The following PKIG variants were observed in gnomAD, a reference collection of about 807,000 sequenced individuals.
PKIG encodes protein kinase (cAMP-dependent, catalytic) inhibitor gamma.
Under a neutral mutation model 6.8 loss-of-function variants are expected in PKIG, and 1 was observed. That is an observed-to-expected ratio of 0.15 (90% CI 0.05 to 0.69). The LOEUF (loss-of-function observed/expected upper bound fraction) is 0.69. Among genes scored for constraint, PKIG ranks in the 30% least tolerant of loss-of-function variants. PKIG has a pLI of 0.82. For synonymous variants in PKIG, 39 were observed against 43.0 expected (o/e 0.91, Z 0.36); for missense variants, 77 against 104.0 (o/e 0.74, Z 1.13).
chr20:44,618,451 T>C lies in PKIG; in HGVS notation c.*87T>C. The C allele has an allele frequency of 1.1e-6, 1 of 905,714 alleles. No homozygotes were observed. Among genetic ancestry groups the C allele is most frequent in the Admixed American group, 1.7e-5 (1 of 57,962 alleles). The allele number at this position is 905,714 out of a possible 1,614,324, so 56.1% of individuals were successfully genotyped here. A position where few individuals can be genotyped will look rare whatever the true frequency, so the allele number is the denominator to read the frequency against. On this transcript the variant is annotated 3_prime_UTR_variant, in exon 4 of 4. Transcript: ENST00000372886. ...CTGGCACTGGCCCAGCAGCCTCTTC[T>C]CTGAGCTCCATGTCCCAGATAAACC...
chr20:44,615,383 G>A (rs893215155), intron 3 of PKIG, among the ~76,000 whole-genome samples: 1 of 152,226 alleles, frequency 6.6e-6, no homozygotes, highest in African/African-American at 2.4e-5. Flanking sequence ...AGGTCTCAGG[G>A]GTCTAAATGT....
At chr20:44,595,545 G>A (rs1005441400) in intron 2 of PKIG, among the ~76,000 whole-genome samples, 1 of 151,944 alleles carries the variant, frequency 6.6e-6, no homozygotes, top group Non-Finnish European at 1.5e-5. Flanking sequence ...ATGGAGTTTC[G>A]CTGTGTTGCC....
chr20:44,593,172 A>T (rs2065047210), intron 2 of PKIG, among the ~76,000 whole-genome samples: 1 of 149,126 alleles, frequency 6.7e-6, no homozygotes, highest in Non-Finnish European at 1.5e-5. Context: ...AAAAAAAAAA[A>T]TCCAAAAAGT....
chr20:44,555,265 C>A (rs1169106477), intron 1 of PKIG, among the ~76,000 whole-genome samples: 1 of 152,156 alleles, frequency 6.6e-6, no homozygotes, highest in Non-Finnish European at 1.5e-5. Flanking sequence ...TGTGTGTATT[C>A]TCTACCTTTG....
chr20:44,537,786 A>G (rs947487588), intron 1 of PKIG, among the ~76,000 whole-genome samples: 13 of 147,812 alleles, frequency 8.8e-5, no homozygotes, highest in African/African-American at 3.0e-4. Context: ...GGGTTTCACC[A>G]TATTGGCCAG....
In PKIG at chr20:44,589,816, C is replaced by T. The variant is rs2065020177; in HGVS notation, c.-74C>T. The T allele has an allele frequency of 6.6e-6, 1 of 152,222 alleles. No homozygotes were observed. The highest frequency in any genetic ancestry group is 2.4e-5 in the African/African-American group (1 of 41,400). 9.4% of individuals were successfully genotyped at this position (152,222 alleles called of 1,614,324 possible). A position where few individuals can be genotyped will look rare whatever the true frequency, so the allele number is the denominator to read the frequency against. On this transcript the variant is annotated 5_prime_UTR_variant, in exon 2 of 4. Coordinates refer to ENST00000372886, the MANE Select transcript of PKIG (RefSeq NM_001281445.2). ...CCTTAGAATTCCCGTACTGATTAGTCAACAGTGGAAAATCTGAAGAGATGC... is the reference window on the plus strand; with the variant it reads ...CCTTAGAATTCCCGTACTGATTAGTTAACAGTGGAAAATCTGAAGAGATGC...
At chr20:44,547,410 C>T (rs2064625028) in intron 1 of PKIG, among the ~76,000 whole-genome samples, 1 of 152,118 alleles carries the variant, frequency 6.6e-6, no homozygotes, top group Non-Finnish European at 1.5e-5. Flanking sequence ...ATGATGACAT[C>T]AGGATGCTGA....
chr20:44,534,296 C>T lies in PKIG; in HGVS notation c.-241+2318C>T, dbSNP rs993193083. Among the ~76,000 whole-genome samples the T allele has an allele frequency of 7.2e-5, 11 of 152,064 alleles. No individual in the cohort carries two copies. The East Asian group carries it at 2.1e-3, about 29-fold the overall frequency. On this transcript the variant is annotated intron_variant, in intron 1 of 4. Coordinates refer to the PKIG transcript ENST00000372887. ...CAGATCCTTCAATAGGAGTCTGATG[C>T]CTGTTACTTTTTGGAGACGTGGGAA...
chr20:44,569,080 G>T (rs2064833152), intron 1 of PKIG, among the ~76,000 whole-genome samples: 1 of 152,188 alleles, frequency 6.6e-6, no homozygotes, highest in East Asian at 1.9e-4. Flanking sequence ...AGCAAGTACA[G>T]AGAGGTCCCA....
At chr20:44,538,063 A>G (rs1002036826) in intron 1 of PKIG, among the ~76,000 whole-genome samples, 10 of 152,166 alleles carry the variant, frequency 6.6e-5, no homozygotes, top group Non-Finnish European at 4.4e-5. Flanking sequence ...AGGACAATAT[A>G]AGGTATACAG....
At chr20:44,542,396 C>T (rs753787857) in intron 1 of PKIG, among the ~76,000 whole-genome samples, 4 of 151,670 alleles carry the variant, frequency 2.6e-5, no homozygotes, top group Admixed American at 6.6e-5. Context: ...TTCTGCTAAT[C>T]ACCAGAATGA....
chr20:44,567,655 T>C (rs1335566410), intron 1 of PKIG, among the ~76,000 whole-genome samples: 1 of 152,110 alleles, frequency 6.6e-6, no homozygotes, highest in African/African-American at 2.4e-5. Flanking sequence ...TACTCCTCAT[T>C]GAGGTTGTCC....
intron 1 of PKIG, among the ~76,000 whole-genome samples, chr20:44,533,368 C>T (rs1469323416): frequency 6.6e-6 from 1 of 152,176 alleles, no homozygotes; most frequent in Non-Finnish European, 1.5e-5. Context: ...CTTCTATGTG[C>T]AAGGCACTGT....
At chr20:44,571,787 T>TA (rs2064856190) in intron 1 of PKIG, among the ~76,000 whole-genome samples, 1 of 152,236 alleles carries the variant, frequency 6.6e-6, no homozygotes, top group East Asian at 1.9e-4. Context: ...ATATGTTTGT[T>TA]ACAGTTGAGC....
intron 2 of PKIG, among the ~76,000 whole-genome samples, chr20:44,591,137 G>A (rs941518771): frequency 2.6e-5 from 4 of 152,118 alleles, no homozygotes; most frequent in Non-Finnish European, 4.4e-5. Flanking sequence ...AGGGTGCTGC[G>A]GCTTGAAAGG....
Position 44,618,404 on chromosome 20 carries a change from G to C in PKIG, c.*40G>C. 2 of 1,378,542 alleles carry C rather than the reference G, an allele frequency of 1.5e-6. No individual in the cohort carries two copies. The highest frequency in any genetic ancestry group is 2.1e-6 in the Non-Finnish European group (2 of 965,060). The allele number at this position is 1,378,542 out of a possible 1,614,324, so 85.4% of individuals were successfully genotyped here. A position where few individuals can be genotyped will look rare whatever the true frequency, so the allele number is the denominator to read the frequency against. ...AAGAAGGCTGGACGAGAGACCTTCT[G>C]TCCCCTCCCAGAGGGGGAACCCTGG... On this transcript the variant is annotated 3_prime_UTR_variant, in exon 4 of 4. Transcript: ENST00000372886.
At chr20:44,545,216 G>A (rs1215566418) in intron 1 of PKIG, among the ~76,000 whole-genome samples, 1 of 152,134 alleles carries the variant, frequency 6.6e-6, no homozygotes, top group South Asian at 2.1e-4. Flanking sequence ...GGTTACAGGT[G>A]TGAGCCACTG....
At chr20:44,568,013 G>A (rs2064824265) in intron 1 of PKIG, among the ~76,000 whole-genome samples, 1 of 152,260 alleles carries the variant, frequency 6.6e-6, no homozygotes, top group East Asian at 1.9e-4. Flanking sequence ...AGGCATGGTG[G>A]CGCATGCCTG....
intron 1 of PKIG, among the ~76,000 whole-genome samples, chr20:44,554,532 G>C (rs2064696816): frequency 6.6e-6 from 1 of 152,160 alleles, no homozygotes; most frequent in African/African-American, 2.4e-5. Context: ...GCAGGGTCCA[G>C]ACTTGATGCT....
Sources: allele counts gnomAD v4.1 joint callset (sites outside exome capture counted in the v4.1 genomes callset), GRCh38; gene constraint gnomAD v4.1.1; transcripts MANE v1.5; gene names NCBI Gene and HGNC (gene_info 2026-07-23, HGNC 2026-07-21).